The following ELF1 variants were observed in gnomAD, a reference collection of about 807,000 sequenced individuals.
ELF1 encodes ETS-related transcription factor Elf-1.
A neutral mutation model predicts 59.9 loss-of-function variants in ELF1; 24 were observed. That is an observed-to-expected ratio of 0.40 (90% CI 0.29 to 0.56). ELF1 has a LOEUF of 0.56. Among genes scored for constraint, ELF1 ranks in the 20% least tolerant of loss-of-function variants. ELF1 has a pLI of 0.44. For missense variants in ELF1, 627 were observed against 742.2 expected, an observed-to-expected ratio of 0.84 and a Z score of 1.80; for synonymous variants, 248 against 266.2, an observed-to-expected ratio of 0.93 and a Z score of 0.67.
At chr13:40,948,034 T>C (rs543267375) in intron 5 of ELF1, among the ~76,000 whole-genome samples, 3 of 152,112 alleles carry the variant, frequency 2.0e-5, no homozygotes, top group African/African-American at 7.2e-5. Context: ...GAAAAAAAGG[T>C]ATGAAACAAT....
rs377342023 is a variant in ELF1, at chr13:41,041,333, TG to T, written c.-229+19504del. Among the ~76,000 whole-genome samples the T allele has an allele frequency of 1.5e-3, 222 of 152,036 alleles. 1 individual carries two copies. Among genetic ancestry groups the T allele is most frequent in the African/African-American group, 5.0e-3 (208 of 41,454 alleles). On this transcript the variant is annotated intron_variant, in intron 1 of 1. Coordinates refer to the ELF1 transcript ENST00000405737. ...AGACGACATTTTCAAAGTCTTTCTT[TG>T]CTAAGTCCTTGACATACACATCTCA...
intron 5 of ELF1, among the ~76,000 whole-genome samples, chr13:40,946,875 C>T (rs1053471741): frequency 7.2e-5 from 11 of 152,094 alleles, no homozygotes; most frequent in Non-Finnish European, 1.5e-4. Flanking sequence ...TGGTGGGGCT[C>T]GCCTGTAGTT....
At chr13:41,046,230 C>T (rs934586672) in intron 1 of ELF1, among the ~76,000 whole-genome samples, 15 of 152,192 alleles carry the variant, frequency 9.9e-5, no homozygotes, top group African/African-American at 3.6e-4. Context: ...GGTCTTGACT[C>T]TTTACCCAAT....
At chr13:41,020,160 G>C (rs1445189011), upstream of ELF1, among the ~76,000 whole-genome samples, 1 of 152,186 alleles carries the variant, frequency 6.6e-6, no homozygotes, top group African/African-American at 2.4e-5. Flanking sequence ...CAACCTAAGG[G>C]GACAACTGTG....
intron 1 of ELF1, among the ~76,000 whole-genome samples, chr13:41,015,912 GA>G (rs1278084310): frequency 6.7e-6 from 1 of 148,662 alleles, no homozygotes; most frequent in African/African-American, 2.6e-5. Context: ...GTCAAAGGTT[GA>G]AAAAGACAGA....
chr13:41,008,224 C>T (rs925500441), intron 1 of ELF1, among the ~76,000 whole-genome samples: 3 of 152,122 alleles, frequency 2.0e-5, no homozygotes, highest in Non-Finnish European at 4.4e-5. Context: ...TATTCTTCGA[C>T]CTGTGAGCCA....
intron 1 of ELF1, chr13:40,993,093 C>G (rs1873948905): frequency 1.2e-6 from 2 of 1,607,584 alleles, no homozygotes; most frequent in South Asian, 1.1e-5. Context: ...ATTTTGAGAC[C>G]AGGGCAAGAC....
rs139098804 is a variant in ELF1, at chr13:40,941,916, C to G, written c.807-546G>C. The stretch of plus-strand genomic sequence containing the variant: ...TGAAACGATCCTTCCTTCTCAGGCT[C>G]CCAAAATGCTGGGATTATAGAAGCG... On this transcript the variant is annotated intron_variant, in intron 7 of 8. Transcript: ENST00000239882. Among the ~76,000 whole-genome samples, 1,366 of 152,250 alleles carry G rather than the reference C, an allele frequency of 9.0e-3. 14 individuals carry two copies. Among genetic ancestry groups the G allele is most frequent in the Middle Eastern group, 0.034 (10 of 294 alleles).
chr13:40,963,811 G>A (rs1872002277), intron 2 of ELF1, among the ~76,000 whole-genome samples: 1 of 152,048 alleles, frequency 6.6e-6, no homozygotes, highest in Admixed American at 6.6e-5. Flanking sequence ...GGAGGATGAG[G>A]CAGGAGAATC....
intron 3 of ELF1, among the ~76,000 whole-genome samples, chr13:40,955,261 C>G (rs1236623523): frequency 1.8e-5 from 2 of 110,636 alleles, no homozygotes; most frequent in Non-Finnish European, 4.5e-5. Context: ...GCAGCCACCC[C>G]GTCTGGGAGG....
At chr13:40,954,286 T>C (rs902053262) in intron 3 of ELF1, among the ~76,000 whole-genome samples, 1 of 152,214 alleles carries the variant, frequency 6.6e-6, no homozygotes, top group African/African-American at 2.4e-5. Context: ...CCAAATCTCA[T>C]GTTGAATTGT....
chr13:40,933,229 T>A lies in ELF1; in HGVS notation c.*196A>T. 1 of 673,868 alleles carries A rather than the reference T, an allele frequency of 1.5e-6. No homozygotes were observed. The highest frequency in any genetic ancestry group is 2.3e-6 in the Non-Finnish European group (1 of 427,402). 41.7% of individuals were successfully genotyped at this position (673,868 alleles called of 1,614,324 possible). On this transcript the variant is annotated 3_prime_UTR_variant, in exon 9 of 9. Transcript: ENST00000239882. ...TGTAAAATGCCTGTTCCTTCACGAT[T>A]GAATTCTGAAACATTTAGATAACAA...
intron 1 of ELF1, among the ~76,000 whole-genome samples, chr13:41,012,963 G>T (rs1875164338): frequency 6.6e-6 from 1 of 152,098 alleles, no homozygotes. Context: ...TTGGGAACAT[G>T]TATTTATTAA....
chr13:40,955,867 C>T (rs1593360578), intron 3 of ELF1, among the ~76,000 whole-genome samples: 6 of 127,630 alleles, frequency 4.7e-5, no homozygotes, highest in East Asian at 2.4e-4. Context: ...GGAGCCCCTC[C>T]GCCCGGCCAG....
intron 1 of ELF1, among the ~76,000 whole-genome samples, chr13:41,039,288 TA>T (rs1876511550): frequency 7.9e-6 from 1 of 126,966 alleles, no homozygotes; most frequent in South Asian, 2.4e-4. Flanking sequence ...TAACCAAAGC[TA>T]AGGCTAGGAA....
intron 3 of ELF1, among the ~76,000 whole-genome samples, chr13:40,955,427 G>T (rs1273314373): frequency 1.4e-5 from 2 of 138,912 alleles, no homozygotes; most frequent in African/African-American, 5.3e-5. Context: ...AGGTGGGGGG[G>T]TCAGCCCCCC....
intron 1 of ELF1, among the ~76,000 whole-genome samples, chr13:40,993,507 G>A (rs1873974673): frequency 6.6e-6 from 1 of 152,122 alleles, no homozygotes; most frequent in Non-Finnish European, 1.5e-5. Context: ...TTTAGAGACA[G>A]GGTCTCGTTG....
At position 41,018,862 on chromosome 13, in the gene ELF1, A is replaced by C. The variant is rs562712613; in HGVS notation, c.-229+366T>G. On this transcript the variant is annotated intron_variant, in intron 1 of 8. Coordinates refer to ENST00000239882, the MANE Select transcript of ELF1 (RefSeq NM_172373.4). ...ACACAGGAATAATACGGTTTACTTA[A>C]CTGTAACTTCAACTACCCCAAAAAA... Among the ~76,000 whole-genome samples, 163 of 152,340 alleles carry C rather than the reference A, an allele frequency of 1.1e-3. 1 individual carries two copies. The highest frequency in any genetic ancestry group is 6.8e-3 in the Middle Eastern group (2 of 294).
At chr13:40,937,490 G>C (rs1306237571) in intron 8 of ELF1, among the ~76,000 whole-genome samples, 1 of 152,108 alleles carries the variant, frequency 6.6e-6, no homozygotes, top group African/African-American at 2.4e-5. Context: ...TTTTTTTTGA[G>C]ACAGAGTCTC....
Sources: gnomAD v4.1 joint callset for allele counts (sites outside exome capture counted in the v4.1 genomes callset) on GRCh38, gnomAD v4.1.1 for gene constraint, MANE v1.5 for transcripts, NCBI Gene and HGNC (gene_info 2026-07-23, HGNC 2026-07-21) for gene names.